Variants in IGFN1 observed in about 807,000 individuals in gnomAD.
The protein encoded by IGFN1 is immunoglobulin like and fibronectin type III domain containing 1.
A neutral mutation model predicts 289.5 loss-of-function variants in IGFN1; 253 were observed. The ratio of observed to expected loss-of-function variants is 0.87; its 90% confidence interval spans 0.79 to 0.97. The LOEUF (loss-of-function observed/expected upper bound fraction) is 0.97, where lower values mean the gene tolerates loss of function less well. IGFN1 is among the 50% of genes least tolerant of loss of function. The pLI, the probability that IGFN1 is intolerant of heterozygous loss-of-function variation, is 0.00. For synonymous variants in IGFN1, 1,706 were observed against 1,788.5 expected (o/e 0.95, Z 1.16); for missense variants, 4,470 against 4,686.1 (o/e 0.95, Z 1.35).
At chr1:201,199,443 T>C in intron 6 of IGFN1, 65 bp downstream of exon 6, 1 of 1,498,150 alleles carries the variant, frequency 6.7e-7, no homozygotes, top group Middle Eastern at 1.7e-4. Context: ...TTTCCTGGTG[T>C]TCCCTGCCTG....
intron 1 of IGFN1, among the ~76,000 whole-genome samples, chr1:201,191,228 G>A (rs1484870148): frequency 6.6e-6 from 1 of 152,158 alleles, no homozygotes; most frequent in Non-Finnish European, 1.5e-5. Flanking sequence ...TCCAGAATAA[G>A]GACCTCGGGC....
Position 201,201,849 on chromosome 1 carries a change from T to C in IGFN1, c.747+17T>C. 1 of 1,063,284 alleles carries C rather than the reference T, an allele frequency of 9.4e-7. No individual in the cohort carries two copies. The highest frequency in any genetic ancestry group is 1.4e-6 in the Non-Finnish European group (1 of 702,386). 65.9% of individuals were successfully genotyped at this position (1,063,284 alleles called of 1,614,324 possible). On this transcript the variant is annotated intron_variant, in intron 9 of 23. Coordinates refer to ENST00000335211, the MANE Select transcript of IGFN1 (RefSeq NM_001164586.2). ...CTGTATAAGGTGAGGCTGGAGGGGC[T>C]ATGGGTGGGGGGGATCTGGCAGGGA...
rs1055395926 is a variant in IGFN1, at chr1:201,194,245, G to A, written c.99G>A (p.Gln33=). 10 of 1,551,502 alleles carry A rather than the reference G, an allele frequency of 6.4e-6. No homozygotes were observed. The highest frequency in any genetic ancestry group is 2.4e-5 in the East Asian group (1 of 40,916). Residue 33 remains glutamine (Q), a synonymous_variant, in exon 3 of 24, where the codon CAG becomes CAA. Transcript: ENST00000335211. The part of the protein sequence containing the change: ...PEGCSTPDFE[Q]KPVTSALPEG... ...GCTGCAGCACGCCGGACTTTGAGCA[G>A]AAGCCCGTCACCTCGGCTCTGCCAG...
Position 201,194,249 on chromosome 1 carries a change from C to G in IGFN1, c.103C>G (p.Pro35Ala), listed in dbSNP as rs1405374899. The G allele has an allele frequency of 1.2e-5, 18 of 1,551,556 alleles. No individual in the cohort carries two copies. The Admixed American group carries it at 3.5e-4, about 30-fold the overall frequency. ...GCSTPDFEQK[P>A]VTSALPEGKN... ...CAGCACGCCGGACTTTGAGCAGAAG[C>G]CCGTCACCTCGGCTCTGCCAGAGGG... Residue 35 changes from proline to alanine, a missense_variant, in exon 3 of 24, where the codon CCC becomes GCC. Physicochemically the swap from Pro to Ala is conservative, Grantham distance 27 (BLOSUM62 -1). This residue lies in a region of IGFN1 where 2,011 missense variants were observed against 1,953.4 expected (regional missense o/e 1.03). Coordinates refer to ENST00000335211, the MANE Select transcript of IGFN1 (RefSeq NM_001164586.2).
In IGFN1 at chr1:201,212,139, G is replaced by A; in HGVS notation, c.7246G>A (p.Asp2416Asn). Residue 2416 changes from aspartate (D) to asparagine (N), a missense_variant, in exon 12 of 24, where the codon GAT (aspartate) becomes AAT (asparagine). Asp to Asn is a conservative substitution (Grantham distance 23). This residue lies in a region of IGFN1 where 2,218 missense variants were observed against 2,114.1 expected (regional missense o/e 1.05). Transcript: ENST00000335211. ...GCGAGCCAGGGAAACCAGGCTTGTG[G>A]ATGGGGCAGGACCTGGGGTGGAACC... ...PERARETRLV[D>N]GAGPGVEPGM... The A allele has an allele frequency of 1.3e-6, 2 of 1,536,434 alleles. No individual in the cohort carries two copies. Among genetic ancestry groups the A allele is most frequent in the South Asian group, 2.4e-5 (2 of 84,056 alleles).
intron 17 of IGFN1, 145 bp downstream of exon 17, chr1:201,217,605 A>G (rs369314025): frequency 2.7e-5 from 21 of 788,544 alleles, no homozygotes; most frequent in East Asian, 1.9e-4. Flanking sequence ...CGTGGTCACA[A>G]TGGGGTGGAG....
In IGFN1 at chr1:201,201,825, T is replaced by G; in HGVS notation, c.740T>G (p.Leu247Arg). 2 of 1,446,160 alleles carry G rather than the reference T, an allele frequency of 1.4e-6. No homozygotes were observed. Among genetic ancestry groups the G allele is most frequent in the Non-Finnish European group, 1.9e-6 (2 of 1,052,564 alleles). 89.6% of individuals were successfully genotyped at this position (1,446,160 alleles called of 1,614,324 possible). A position where few individuals can be genotyped will look rare whatever the true frequency, so the allele number is the denominator to read the frequency against. ...AAGGATTCTCAGAGCAAGATTTACC[T>G]GTATAAGGTGAGGCTGGAGGGGCTA... is the stretch of plus-strand genomic sequence containing the variant. ...DLKDSQSKIY[L>R]YKDGEMIPYG... The change falls in exon 9 of 24, where the codon CTG (leucine) becomes CGG (arginine). Residue 247 changes from leucine to arginine, a missense_variant. This residue lies in a region of IGFN1 where 2,011 missense variants were observed against 1,953.4 expected (regional missense o/e 1.03). Coordinates refer to ENST00000335211, the MANE Select transcript of IGFN1 (RefSeq NM_001164586.2).
chr1:201,212,964 T>A lies in IGFN1; in HGVS notation c.8071T>A (p.Ser2691Thr). Reference protein sequence around the residue: ...EAAGGCRSPWSLDSKGSSPGR... With the variant: ...EAAGGCRSPWTLDSKGSSPGR... ...GGCTGGTGGATGCCGAAGCCCATGGTCCCTGGATAGCAAAGGTTCAAGTCC... is the reference window on the plus strand; with the variant it reads ...GGCTGGTGGATGCCGAAGCCCATGGACCCTGGATAGCAAAGGTTCAAGTCC... Residue 2691 changes from serine to threonine, a missense_variant, in exon 12 of 24, where the codon TCC becomes ACC. Ser to Thr is a moderately conservative substitution (Grantham distance 58). Coordinates refer to ENST00000335211, the MANE Select transcript of IGFN1 (RefSeq NM_001164586.2). 1 of 1,551,348 alleles carries A rather than the reference T, an allele frequency of 6.4e-7. No homozygotes were observed.
rs1384164350 is a variant in IGFN1 at position 201,208,471 on chromosome 1, C to T, written c.3578C>T (p.Ala1193Val). 2 of 1,446,228 alleles carry T rather than the reference C, an allele frequency of 1.4e-6. No individual in the cohort carries two copies. The highest frequency in any genetic ancestry group is 9.0e-7 in the Non-Finnish European group (1 of 1,106,672). The allele number at this position is 1,446,228 out of a possible 1,614,324, so 89.6% of individuals were successfully genotyped here. A position where few individuals can be genotyped will look rare whatever the true frequency, so the allele number is the denominator to read the frequency against. ...GATACCAGGCACCCTGAGTCACTCG[C>T]ACCTCACAATGGGGCCGCTTCTGGG... is the stretch of plus-strand genomic sequence containing the variant. The part of the protein sequence containing the change: ...RDDTRHPESL[A>V]PHNGAASGSQ... Residue 1193 changes from alanine to valine, a missense_variant, in exon 12 of 24, where the codon GCA becomes GTA. Around this residue, in one of 8 missense-constraint regions of IGFN1, gnomAD observed 2,011 missense variants for 1,953.4 expected, o/e 1.03. Transcript: ENST00000335211.
intron 4 of IGFN1, among the ~76,000 whole-genome samples, chr1:201,196,740 A>G (rs1558133152): frequency 6.6e-6 from 1 of 152,220 alleles, no homozygotes; most frequent in East Asian, 1.9e-4. Flanking sequence ...TCTGAGCAAT[A>G]TTATAAATAC....
intron 18 of IGFN1, among the ~76,000 whole-genome samples, chr1:201,221,071 C>G (rs1244630267): frequency 6.6e-6 from 1 of 152,090 alleles, no homozygotes; most frequent in East Asian, 1.9e-4. Flanking sequence ...GCTTAGAGTC[C>G]AGAATAAAAA....
intron 16 of IGFN1, 69 bp downstream of exon 16, chr1:201,216,822 G>T (rs758205554): frequency 8.0e-6 from 11 of 1,371,550 alleles, no homozygotes; most frequent in Non-Finnish European, 1.1e-5. Context: ...AGGAGGGCAG[G>T]CTGTCCCAGA....
intron 17 of IGFN1, 51 bp from the exon 18 acceptor site, chr1:201,218,479 C>A: frequency 3.2e-6 from 5 of 1,580,392 alleles, no homozygotes; most frequent in Non-Finnish European, 4.3e-6. Flanking sequence ...AAGCTATCTC[C>A]CCATGTCCAG....
In IGFN1 at chr1:201,208,297, C is replaced by T. The variant is rs1483347295; in HGVS notation, c.3404C>T (p.Ala1135Val). ...TTCAGAGCCTCAGAGGCCCTGGGGG[C>T]CTTTGGAGAAGGAGGCTATGAAGAT... is the stretch of plus-strand genomic sequence containing the variant. ...GGFRASEALGAFGEGGYEDGS... is the reference protein window; with the variant it reads ...GGFRASEALGVFGEGGYEDGS... Residue 1135 changes from alanine to valine, a missense_variant, in exon 12 of 24, where the codon GCC becomes GTC. Coordinates refer to ENST00000335211, the MANE Select transcript of IGFN1 (RefSeq NM_001164586.2). 1 of 1,527,906 alleles carries T rather than the reference C, an allele frequency of 6.5e-7. No homozygotes were observed. Among genetic ancestry groups the T allele is most frequent in the Non-Finnish European group, 8.7e-7 (1 of 1,144,122 alleles). The allele number at this position is 1,527,906 out of a possible 1,614,324, so 94.6% of individuals were successfully genotyped here.
At position 201,228,429 on chromosome 1, in the gene IGFN1, C is replaced by A; in HGVS notation, c.*30C>A. 3 of 1,611,986 alleles carry A rather than the reference C, an allele frequency of 1.9e-6. No individual in the cohort carries two copies. The highest frequency in any genetic ancestry group is 4.5e-5 in the East Asian group (2 of 44,866). ...ACCTCACCCTGGGATGGTCCTGGAC[C>A]CTTGAAGCTTCACTTCCGACACCTG... On this transcript the variant is annotated 3_prime_UTR_variant, in exon 24 of 24. Coordinates refer to ENST00000335211, the MANE Select transcript of IGFN1 (RefSeq NM_001164586.2).
intron 10 of IGFN1, among the ~76,000 whole-genome samples, chr1:201,204,630 A>G: frequency 6.6e-6 from 1 of 152,226 alleles, no homozygotes. Flanking sequence ...TGGGTTTGGG[A>G]GTCAGCCAGA....
intron 14 of IGFN1, among the ~76,000 whole-genome samples, 155 bp from the exon 15 acceptor site, chr1:201,215,384 G>T (rs1443193128): frequency 2.6e-5 from 4 of 152,196 alleles, no homozygotes; most frequent in Admixed American, 6.5e-5. Context: ...GGTCTCTTCT[G>T]CTGCAGATGA....
rs767633960 is a variant in IGFN1 at position 201,213,575 on chromosome 1, A to G, written c.8682A>G (p.Thr2894=). The G allele has an allele frequency of 1.2e-6, 2 of 1,613,996 alleles. No individual in the cohort carries two copies. Among genetic ancestry groups the G allele is most frequent in the Admixed American group, 3.3e-5 (2 of 60,006 alleles). Residue 2894 remains threonine, a synonymous_variant, in exon 12 of 24, where the codon ACA becomes ACG. Transcript: ENST00000335211. ...GGAGAGATGCTACCCGGAGTTCCAC[A>G]TCCAGATACAAGCCTGGCACTGGCA... is the stretch of plus-strand genomic sequence containing the variant. The part of the protein sequence containing the change: ...GERRDATRSS[T]SRYKPGTGSF...
At chr1:201,222,895 T>C (rs1653830117) in intron 20 of IGFN1, 68 bp downstream of exon 20, 1 of 1,075,928 alleles carries the variant, frequency 9.3e-7, no homozygotes, top group Admixed American at 2.0e-5. Flanking sequence ...CTCAGCCCTG[T>C]GGCTCTCTTT....
Sources: allele counts gnomAD v4.1 joint callset (sites outside exome capture counted in the v4.1 genomes callset), GRCh38; gene constraint gnomAD v4.1.1; regional missense constraint gnomAD v4.1.1; transcripts MANE v1.5; gene names NCBI Gene and HGNC (gene_info 2026-07-23, HGNC 2026-07-21).